The following DOCK10 variants were observed in gnomAD, a reference collection of about 807,000 sequenced individuals.
The protein encoded by DOCK10 is dedicator of cytokinesis 10.
DOCK10 carries 145 observed loss-of-function variants against 280.1 expected under a neutral mutation model. That is an observed-to-expected ratio of 0.52 (90% CI 0.45 to 0.59). The LOEUF (loss-of-function observed/expected upper bound fraction) is 0.59. Ranked by LOEUF, DOCK10 falls within the 20% of genes least tolerant of loss-of-function variation. The pLI, the probability that DOCK10 is intolerant of heterozygous loss-of-function variation, is 0.00. For missense variants in DOCK10, 2,368 were observed against 2,651.7 expected (o/e 0.89, Z 2.35); for synonymous variants, 915 against 942.2 (o/e 0.97, Z 0.53).
Position 224,849,576 on chromosome 2 carries a change from C to A in DOCK10, c.2166G>T (p.Gly722=). The A allele has an allele frequency of 6.2e-7, 1 of 1,609,486 alleles. No homozygotes were observed. Among genetic ancestry groups the A allele is most frequent in the African/African-American group, 1.3e-5 (1 of 74,958 alleles). The part of the protein sequence containing the change: ...PLKCIYGKPG[G]PLFTSAAYTA... The stretch of plus-strand genomic sequence containing the variant: ...TGTAGGCGGCTGAGGTGAAGAGGGG[C>A]CCTCCAGGTTTTCCATAAATACACT... The change falls in exon 19 of 56, where the codon GGG becomes GGT. Residue 722 remains glycine, a synonymous_variant. Coordinates refer to ENST00000258390, the MANE Select transcript of DOCK10 (RefSeq NM_014689.3).
intron 1 of DOCK10, among the ~76,000 whole-genome samples, chr2:224,974,538 C>T (rs559195284): frequency 7.9e-5 from 12 of 151,648 alleles, no homozygotes; most frequent in African/African-American, 1.7e-4. Flanking sequence ...TGAAGCCTGG[C>T]GTTTAGAGAA....
At chr2:224,934,407 T>A (rs1024481784) in intron 1 of DOCK10, among the ~76,000 whole-genome samples, 1 of 152,210 alleles carries the variant, frequency 6.6e-6, no homozygotes, top group Non-Finnish European at 1.5e-5. Flanking sequence ...TTGTTGATCA[T>A]TGTGTAACAT....
intron 1 of DOCK10, among the ~76,000 whole-genome samples, chr2:224,974,241 C>A (rs948826795): frequency 1.3e-5 from 2 of 152,154 alleles, no homozygotes; most frequent in African/African-American, 2.4e-5. Context: ...GACAATCTAA[C>A]CATGACAAAC....
At chr2:224,836,900 A>AT (rs35550784) in intron 25 of DOCK10, among the ~76,000 whole-genome samples, 25,930 of 149,838 alleles carry the variant, frequency 0.17, 3,245 homozygotes, top group African/African-American at 0.36. Flanking sequence ...CGCTTGGCCG[A>AT]TTTTTTTTTT....
At chr2:225,014,322 G>A (rs1158549289) in intron 1 of DOCK10, among the ~76,000 whole-genome samples, 1 of 151,784 alleles carries the variant, frequency 6.6e-6, no homozygotes. Context: ...AGGATTTTGG[G>A]TGTTTCTGTG....
At chr2:224,986,597 G>A (rs1205152232) in intron 1 of DOCK10, among the ~76,000 whole-genome samples, 4 of 147,870 alleles carry the variant, frequency 2.7e-5, no homozygotes, top group Non-Finnish European at 6.0e-5. Context: ...TATAAGAAGA[G>A]GAATAAACAC....
In DOCK10 at chr2:224,932,492, T is replaced by C. The variant is rs191301075; in HGVS notation, c.124-824A>G. ...TCCCTCGCCGCAAAACACAACAAAA[T>C]CCAAAACAGAAAACCAAAAACACAA... On this transcript the variant is annotated intron_variant, in intron 1 of 55. Coordinates refer to ENST00000258390, the MANE Select transcript of DOCK10 (RefSeq NM_014689.3). Among the ~76,000 whole-genome samples the C allele has an allele frequency of 3.9e-5, 6 of 152,144 alleles. No homozygotes were observed. The East Asian group carries it at 1.2e-3, about 29-fold the overall frequency.
chr2:224,878,439 T>C (rs532645880), intron 7 of DOCK10, among the ~76,000 whole-genome samples: 1 of 152,316 alleles, frequency 6.6e-6, no homozygotes, highest in South Asian at 2.1e-4. Flanking sequence ...CTAACAACTG[T>C]GCTCCTAATC....
At chr2:224,921,111 A>AT (rs1559767879) in intron 2 of DOCK10, among the ~76,000 whole-genome samples, 124 of 89,312 alleles carry the variant, frequency 1.4e-3, no homozygotes, top group South Asian at 4.0e-3. Context: ...AAAAAAAAAA[A>AT]AATATATATA....
intron 1 of DOCK10, among the ~76,000 whole-genome samples, chr2:224,972,534 T>TA (rs1705148744): frequency 1.3e-5 from 2 of 152,168 alleles, no homozygotes; most frequent in African/African-American, 2.4e-5. Flanking sequence ...AAATCTGTAA[T>TA]AAAAAATCTA....
intron 3 of DOCK10, among the ~76,000 whole-genome samples, chr2:224,914,833 T>C (rs1701221518): frequency 6.6e-6 from 1 of 152,024 alleles, no homozygotes; most frequent in African/African-American, 2.4e-5. Flanking sequence ...AGAAGAAAAT[T>C]TTACTTGTTT....
At chr2:224,851,460 A>ATTT (rs1559559427) in intron 18 of DOCK10, among the ~76,000 whole-genome samples, 11,985 of 138,284 alleles carry the variant, frequency 0.087, 687 homozygotes, top group Middle Eastern at 0.16. Context: ...TTTTTTTTTA[A>ATTT]AAAAAAAAAA....
chr2:224,980,845 T>C (rs1705707973), intron 1 of DOCK10, among the ~76,000 whole-genome samples: 1 of 152,166 alleles, frequency 6.6e-6, no homozygotes, highest in African/African-American at 2.4e-5. Context: ...TATCACCTTA[T>C]TTAATATCAA....
At chr2:224,875,621 CA>C (rs1193361276) in intron 8 of DOCK10, among the ~76,000 whole-genome samples, 2 of 152,036 alleles carry the variant, frequency 1.3e-5, no homozygotes, top group Non-Finnish European at 2.9e-5. Flanking sequence ...ACAGTATGAT[CA>C]AAAAGCAGAA....
At chr2:224,778,824 T>C (rs1691073700) in intron 50 of DOCK10, among the ~76,000 whole-genome samples, 1 of 152,206 alleles carries the variant, frequency 6.6e-6, no homozygotes, top group African/African-American at 2.4e-5. Flanking sequence ...AGAAATTACA[T>C]GTGTTATGCT....
chr2:224,879,776 T>A (rs1194741094), intron 7 of DOCK10, among the ~76,000 whole-genome samples: 2 of 151,144 alleles, frequency 1.3e-5, no homozygotes, highest in East Asian at 3.9e-4. Context: ...AAAAAAAAAT[T>A]AAAAAAGAAA....
chr2:224,833,349 C>A (rs944127762), intron 26 of DOCK10, among the ~76,000 whole-genome samples: 5 of 151,972 alleles, frequency 3.3e-5, no homozygotes, highest in African/African-American at 1.2e-4. Context: ...TTGGCTCCAG[C>A]CACAGTGTCC....
chr2:224,936,615 T>C (rs1348567104), intron 1 of DOCK10, among the ~76,000 whole-genome samples: 2 of 103,270 alleles, frequency 1.9e-5, no homozygotes, highest in African/African-American at 5.7e-5. Context: ...AAAAGCAAAA[T>C]TGTTTATGTA....
At chr2:224,885,845 A>G (rs548143397) in intron 6 of DOCK10, 40 bp from the exon 7 acceptor site, 16 of 1,600,174 alleles carry the variant, frequency 1.0e-5, no homozygotes, top group Non-Finnish European at 1.4e-5. Context: ...TTCAAATTGT[A>G]ATGTGCTATT....
Sources: gnomAD v4.1 joint callset for allele counts (sites outside exome capture counted in the v4.1 genomes callset) on GRCh38, gnomAD v4.1.1 for gene constraint, MANE v1.5 for transcripts, NCBI Gene and HGNC (gene_info 2026-07-23, HGNC 2026-07-21) for gene names.